The following PCP4 variants were observed in gnomAD, a reference collection of about 807,000 sequenced individuals.
The protein encoded by PCP4 is calmodulin regulator protein PCP4.
In PCP4, 8 loss-of-function variants were observed where a neutral mutation model predicts 10.0. The observed-to-expected ratio is 0.80, with a 90% confidence interval of 0.47 to 1.45. PCP4 has a LOEUF of 1.45. PCP4 is among the 40% of genes most tolerant of loss of function. The pLI, the probability that PCP4 is intolerant of heterozygous loss-of-function variation, is 0.00. For synonymous variants in PCP4, 21 were observed against 23.0 expected (o/e 0.91, Z 0.24); for missense variants, 54 against 74.4 (o/e 0.73, Z 1.01).
chr21:39,885,095 T>C (rs1024547910), intron 1 of PCP4, among the ~76,000 whole-genome samples: 1 of 152,230 alleles, frequency 6.6e-6, no homozygotes, highest in Non-Finnish European at 1.5e-5. Flanking sequence ...CAGAGTGACC[T>C]ATGTTCCTGG....
intron 1 of PCP4, among the ~76,000 whole-genome samples, chr21:39,874,695 T>C (rs1344819963): frequency 6.6e-6 from 1 of 151,038 alleles, no homozygotes; most frequent in African/African-American, 2.4e-5. Flanking sequence ...TACAAGCATC[T>C]GTTCATCAGG....
intron 2 of PCP4, among the ~76,000 whole-genome samples, chr21:39,918,029 C>A (rs971150302): frequency 1.3e-5 from 2 of 152,116 alleles, no homozygotes; most frequent in African/African-American, 4.8e-5. Context: ...TTAGGAGGAA[C>A]CTGCTCTGCC....
chr21:39,873,297 C>T (rs1048113808), intron 1 of PCP4, among the ~76,000 whole-genome samples: 2 of 152,144 alleles, frequency 1.3e-5, no homozygotes, highest in Non-Finnish European at 2.9e-5. Flanking sequence ...GTTGTAAACT[C>T]TGGCATATTG....
chr21:39,897,343 C>G (rs1000361051), intron 1 of PCP4, among the ~76,000 whole-genome samples: 16 of 147,742 alleles, frequency 1.1e-4, no homozygotes, highest in African/African-American at 4.0e-4. Context: ...AGCCAAGATC[C>G]TGCCACTGCA....
At chr21:39,920,829 T>A (rs1480164878) in intron 2 of PCP4, among the ~76,000 whole-genome samples, 1 of 152,216 alleles carries the variant, frequency 6.6e-6, no homozygotes. Context: ...CTGGAAGTGC[T>A]ATTTCCCACC....
intron 2 of PCP4, among the ~76,000 whole-genome samples, chr21:39,902,443 G>T (rs2087486056): frequency 6.6e-6 from 1 of 152,128 alleles, no homozygotes; most frequent in South Asian, 2.1e-4. Flanking sequence ...TAGATTCCTG[G>T]GCTTTGCTGC....
At chr21:39,894,362 T>G (rs189974230) in intron 1 of PCP4, among the ~76,000 whole-genome samples, 70 of 152,314 alleles carry the variant, frequency 4.6e-4, no homozygotes, top group African/African-American at 1.6e-3. Flanking sequence ...TTGGAAAACA[T>G]CAAAGAAGAT....
chr21:39,897,636 T>G (rs558416381), intron 1 of PCP4, among the ~76,000 whole-genome samples: 2 of 152,248 alleles, frequency 1.3e-5, no homozygotes, highest in South Asian at 4.2e-4. Context: ...GACTTCATAC[T>G]TCTAGTTAAC....
At chr21:39,878,693 G>A (rs540655777) in intron 1 of PCP4, among the ~76,000 whole-genome samples, 1 of 152,314 alleles carries the variant, frequency 6.6e-6, no homozygotes, top group South Asian at 2.1e-4. Flanking sequence ...AGGTATGTCT[G>A]TTATTTCCCT....
At chr21:39,894,240 TCCTCTACTACC>T (rs2146335381) in intron 1 of PCP4, among the ~76,000 whole-genome samples, 1 of 152,274 alleles carries the variant, frequency 6.6e-6, no homozygotes, top group South Asian at 2.1e-4. Flanking sequence ...TGTGACTTTT[TCCTCTACTACC>T]CCTCTACTAC....
chr21:39,887,108 G>A (rs139015811), intron 1 of PCP4, among the ~76,000 whole-genome samples: 2,831 of 152,166 alleles, frequency 0.019, 38 homozygotes, highest in Middle Eastern at 0.051. Flanking sequence ...ATAAATCGTG[G>A]ATACCTGAAA....
At chr21:39,918,820 C>G (rs1568861490) in intron 2 of PCP4, among the ~76,000 whole-genome samples, 1 of 152,142 alleles carries the variant, frequency 6.6e-6, no homozygotes, top group Non-Finnish European at 1.5e-5. Flanking sequence ...TCCCACACTC[C>G]CCAAGCTGCA....
intron 2 of PCP4, among the ~76,000 whole-genome samples, chr21:39,919,793 G>C (rs1358666043): frequency 6.6e-6 from 1 of 150,882 alleles, no homozygotes; most frequent in Non-Finnish European, 1.5e-5. Flanking sequence ...GTTTGTGTGT[G>C]TAATGTGGTG....
chr21:39,884,287 C>T (rs2087389732), intron 1 of PCP4, among the ~76,000 whole-genome samples: 2 of 151,354 alleles, frequency 1.3e-5, no homozygotes, highest in Admixed American at 6.6e-5. Flanking sequence ...TCAAGCAATT[C>T]TCGTGCCTCA....
chr21:39,875,966 A>G (rs2837263), intron 1 of PCP4, among the ~76,000 whole-genome samples: 29,683 of 151,920 alleles, frequency 0.2, 3,019 homozygotes, highest in Non-Finnish European at 0.22. Context: ...GTGCCCATGA[A>G]GACATCCTAA....
intron 1 of PCP4, among the ~76,000 whole-genome samples, chr21:39,885,475 A>G (rs2087395914): frequency 6.6e-6 from 1 of 152,194 alleles, no homozygotes; most frequent in Non-Finnish European, 1.5e-5. Context: ...CGGCTGGGGA[A>G]ACCTCTGGCT....
At chr21:39,901,495 C>T (rs1366928529) in intron 2 of PCP4, among the ~76,000 whole-genome samples, 1 of 152,214 alleles carries the variant, frequency 6.6e-6, no homozygotes, top group Non-Finnish European at 1.5e-5. Flanking sequence ...CAGTGCTTTG[C>T]ACCAAAGGGA....
chr21:39,871,300 A>G (rs760020468), intron 1 of PCP4, among the ~76,000 whole-genome samples: 23 of 152,242 alleles, frequency 1.5e-4, no homozygotes, highest in Non-Finnish European at 2.4e-4. Context: ...ACAGATCCTA[A>G]GAAGAGAAAG....
chr21:39,905,943 A>G (rs1309155640), intron 2 of PCP4, among the ~76,000 whole-genome samples: 1 of 152,132 alleles, frequency 6.6e-6, no homozygotes, highest in East Asian at 1.9e-4. Flanking sequence ...CCAGATACTC[A>G]GGAGGCTGAG....
Sources: gnomAD v4.1 joint callset for allele counts (sites outside exome capture counted in the v4.1 genomes callset) on GRCh38, gnomAD v4.1.1 for gene constraint, MANE v1.5 for transcripts, NCBI Gene and HGNC (gene_info 2026-07-23, HGNC 2026-07-21) for gene names.